Variants in TENM3 observed in about 807,000 individuals in gnomAD.
TENM3 encodes the protein teneurin-3.
In TENM3, 63 loss-of-function variants were observed where a neutral mutation model predicts 255.1. The observed-to-expected ratio is 0.25, with a 90% CI of 0.20 to 0.30. The LOEUF (loss-of-function observed/expected upper bound fraction) is 0.30, where lower values mean the gene tolerates loss of function less well. Ranked by LOEUF, TENM3 falls within the 10% of genes least tolerant of loss-of-function variation. The pLI is 1.00. For missense variants in TENM3, 2,929 were observed against 3,461.1 expected (o/e 0.85, Z 3.86); for synonymous variants, 1,306 against 1,322.3 (o/e 0.99, Z 0.27).
At chr4:182,757,109 A>G (rs1473308942) in intron 22 of TENM3, among the ~76,000 whole-genome samples, 1 of 151,874 alleles carries the variant, frequency 6.6e-6, no homozygotes, top group Admixed American at 6.6e-5. Flanking sequence ...TCAGGAGATC[A>G]AGACCATCCT....
chr4:181,608,474 G>T, the TENM3 span, among the ~76,000 whole-genome samples: 1 of 152,302 alleles, frequency 6.6e-6, no homozygotes, highest in South Asian at 2.1e-4. Flanking sequence ...GTAGTTGATT[G>T]CTTTGGAGTT....
chr4:181,784,171 T>TTTA, the TENM3 span, among the ~76,000 whole-genome samples: 8 of 152,060 alleles, frequency 5.3e-5, no homozygotes, highest in Non-Finnish European at 1.0e-4. Flanking sequence ...TTTTTTTTTT[T>TTTA]AACCGCTAAG....
chr4:181,936,877 C>T, the TENM3 span, among the ~76,000 whole-genome samples: 3 of 151,870 alleles, frequency 2.0e-5, no homozygotes, highest in East Asian at 1.9e-4. Context: ...AGGCTCTAGG[C>T]GCAAAGGGGG....
chr4:182,569,424 T>A (rs1401819497), intron 3 of TENM3, among the ~76,000 whole-genome samples: 1 of 151,772 alleles, frequency 6.6e-6, no homozygotes, highest in Non-Finnish European at 1.5e-5. Flanking sequence ...CGTGGTGACA[T>A]GTGCCTGTAA....
chr4:182,074,584 A>G, the TENM3 span, among the ~76,000 whole-genome samples: 33 of 152,332 alleles, frequency 2.2e-4, no homozygotes, highest in Non-Finnish European at 4.1e-4. Flanking sequence ...GCACAAACAA[A>G]AGCTATTGTT....
chr4:181,811,802 G>A, the TENM3 span, among the ~76,000 whole-genome samples: 1 of 152,172 alleles, frequency 6.6e-6, no homozygotes. Flanking sequence ...CTTGACACTT[G>A]GGGATTATTA....
chr4:182,585,107 G>A (rs1039135357), intron 3 of TENM3, among the ~76,000 whole-genome samples: 1 of 151,962 alleles, frequency 6.6e-6, no homozygotes, highest in African/African-American at 2.4e-5. Context: ...AGAAAAGCCT[G>A]GAAATTAACT....
the TENM3 span, among the ~76,000 whole-genome samples, chr4:181,634,482 C>T: frequency 2.7e-5 from 4 of 150,918 alleles, no homozygotes; most frequent in Non-Finnish European, 5.9e-5. Flanking sequence ...CACAGCATAC[C>T]TTGCAAATGC....
chr4:181,789,891 G>A, the TENM3 span, among the ~76,000 whole-genome samples: 5 of 152,078 alleles, frequency 3.3e-5, no homozygotes, highest in African/African-American at 1.2e-4. Context: ...CCCTTCACCT[G>A]GCACATCATC....
rs144423899 is a variant in TENM3, at chr4:182,663,783, G to A, written c.1112-9222G>A. ...ATTGTGATCTATTTCTAAAAAATAC[G>A]TTGTCTATAAGCTGCCAGTTCTATC... On this transcript the variant is annotated intron_variant, in intron 6 of 27. Coordinates refer to ENST00000511685, the MANE Select transcript of TENM3 (RefSeq NM_001080477.4). Among the ~76,000 whole-genome samples, 264 of 150,578 alleles carry A rather than the reference G, an allele frequency of 1.8e-3. 1 individual carries two copies. The highest frequency in any genetic ancestry group is 6.8e-3 in the Middle Eastern group (2 of 292).
intron 26 of TENM3, among the ~76,000 whole-genome samples, chr4:182,794,321 TA>T (rs1440606053): frequency 6.6e-6 from 1 of 152,244 alleles, no homozygotes; most frequent in African/African-American, 2.4e-5. Context: ...GGCACAAATA[TA>T]ATACATGAAA....
the TENM3 span, among the ~76,000 whole-genome samples, chr4:182,061,487 G>A: frequency 6.6e-6 from 1 of 152,026 alleles, no homozygotes. Flanking sequence ...CCTCAGTGCT[G>A]AACAAGAGGT....
chr4:181,898,988 A>G, the TENM3 span, among the ~76,000 whole-genome samples: 1 of 152,150 alleles, frequency 6.6e-6, no homozygotes, highest in South Asian at 2.1e-4. Flanking sequence ...TTATTTAACA[A>G]TTTGTAAAAC....
chr4:182,301,461 A>G (rs1294828814), intron 1 of TENM3, among the ~76,000 whole-genome samples: 1 of 152,212 alleles, frequency 6.6e-6, no homozygotes. Context: ...TGAGATTTAG[A>G]ACAGAGGCTG....
intron 1 of TENM3, among the ~76,000 whole-genome samples, chr4:182,209,562 T>C: frequency 6.6e-6 from 1 of 152,152 alleles, no homozygotes; most frequent in East Asian, 1.9e-4. Flanking sequence ...TCTTTGCCGA[T>C]ATATCTTAAG....
the TENM3 span, among the ~76,000 whole-genome samples, chr4:181,450,605 C>A: frequency 1.3e-5 from 2 of 152,252 alleles, no homozygotes; most frequent in Non-Finnish European, 2.9e-5. Flanking sequence ...ATTCAGAATG[C>A]GACCTGACTT....
At chr4:182,219,002 C>T (rs919066049) in intron 1 of TENM3, among the ~76,000 whole-genome samples, 1 of 152,348 alleles carries the variant, frequency 6.6e-6, no homozygotes, top group African/African-American at 2.4e-5. Flanking sequence ...GCAGGCGGAT[C>T]ACCTGAGGTC....
chr4:181,805,607 G>GTGTC, the TENM3 span, among the ~76,000 whole-genome samples: 1 of 151,668 alleles, frequency 6.6e-6, no homozygotes, highest in Admixed American at 6.6e-5. Flanking sequence ...TTGTGTGTGT[G>GTGTC]TGTGTGGTGT....
the TENM3 span, among the ~76,000 whole-genome samples, chr4:182,138,182 T>C: frequency 1.3e-5 from 2 of 152,194 alleles, no homozygotes; most frequent in Non-Finnish European, 2.9e-5. Flanking sequence ...AGAAAAGGTC[T>C]GCTTAATATG....
Sources: allele counts gnomAD v4.1 joint callset (sites outside exome capture counted in the v4.1 genomes callset), GRCh38; gene constraint gnomAD v4.1.1; transcripts MANE v1.5; gene names NCBI Gene and HGNC (gene_info 2026-07-23, HGNC 2026-07-21).